DLGAP1: variants seen among roughly 807,000 people sequenced by gnomAD.
DLGAP1 encodes DLG associated protein 1.
Under a neutral mutation model 90.8 loss-of-function variants are expected in DLGAP1, and 11 were observed. The ratio of observed to expected loss-of-function variants is 0.12; its 90% CI spans 0.08 to 0.20. The LOEUF (loss-of-function observed/expected upper bound fraction) is 0.20, where lower values mean the gene tolerates loss of function less well. Among genes scored for constraint, DLGAP1 ranks in the 10% least tolerant of loss-of-function variants. The pLI, the probability that DLGAP1 is intolerant of heterozygous loss-of-function variation, is 1.00. For synonymous variants in DLGAP1, 558 were observed against 540.7 expected (o/e 1.03, Z -0.44); for missense variants, 1,050 against 1,333.8 (o/e 0.79, Z 3.31).
intron 5 of DLGAP1, among the ~76,000 whole-genome samples, chr18:3,779,403 C>A (rs1943484501): frequency 6.6e-6 from 1 of 152,098 alleles, no homozygotes; most frequent in South Asian, 2.1e-4. Context: ...CCCAAAACTC[C>A]AAAACTTTCA....
At chr18:4,160,398 T>G (rs2076824711) in intron 1 of DLGAP1, among the ~76,000 whole-genome samples, 1 of 152,228 alleles carries the variant, frequency 6.6e-6, no homozygotes, top group Non-Finnish European at 1.5e-5. Flanking sequence ...TCTTTCAGTT[T>G]TTCCCCCTCT....
In DLGAP1 at chr18:4,428,526, G is replaced by A. The variant is rs143759068; in HGVS notation, c.-267+26480C>T. 6.9e-3 allele frequency among the ~76,000 whole-genome samples: 1,051 copies of A among 152,036 alleles called. 14 individuals carry two copies. Among genetic ancestry groups the A allele is most frequent in the African/African-American group, 0.024 (979 of 41,460 alleles). The stretch of plus-strand genomic sequence containing the variant: ...GAACCTGGGAGGCGAAGGTTGCAGC[G>A]AACCGAGATCACATCACTGCACTCC... On this transcript the variant is annotated intron_variant, in intron 1 of 12. Transcript: ENST00000315677.
intron 1 of DLGAP1, among the ~76,000 whole-genome samples, chr18:4,425,930 A>C (rs938023252): frequency 2.6e-4 from 39 of 152,312 alleles, no homozygotes; most frequent in African/African-American, 9.4e-4. Flanking sequence ...CAGGAATCCT[A>C]TAGCATAATA....
At chr18:4,093,413 A>T (rs1300647688) in intron 2 of DLGAP1, among the ~76,000 whole-genome samples, 1 of 152,224 alleles carries the variant, frequency 6.6e-6, no homozygotes, top group African/African-American at 2.4e-5. Context: ...CTGATTTAAC[A>T]TTGGAAACCA....
chr18:4,138,986 AT>A (rs1263828433), intron 2 of DLGAP1, among the ~76,000 whole-genome samples: 2 of 151,454 alleles, frequency 1.3e-5, no homozygotes, highest in Admixed American at 1.3e-4. Flanking sequence ...GTTGTAATGT[AT>A]TTTTCCATCT....
At chr18:3,868,036 G>C (rs1319756281) in intron 4 of DLGAP1, among the ~76,000 whole-genome samples, 1 of 152,174 alleles carries the variant, frequency 6.6e-6, no homozygotes, top group Non-Finnish European at 1.5e-5. Flanking sequence ...CTTGTTTCTA[G>C]TGGATTCGTT....
chr18:4,186,664 T>A (rs968022721), intron 1 of DLGAP1, among the ~76,000 whole-genome samples: 2 of 152,164 alleles, frequency 1.3e-5, no homozygotes, highest in South Asian at 2.1e-4. Context: ...TACCATACTG[T>A]TTTGGTTACT....
At chr18:3,696,004 T>C (rs2061079466) in intron 7 of DLGAP1, among the ~76,000 whole-genome samples, 1 of 152,096 alleles carries the variant, frequency 6.6e-6, no homozygotes, top group Admixed American at 6.6e-5. Flanking sequence ...CTCTGTCTAT[T>C]ACTGGTGTAT....
chr18:3,887,518 AAAG>A (rs1260562056), intron 3 of DLGAP1, among the ~76,000 whole-genome samples: 2 of 152,206 alleles, frequency 1.3e-5, no homozygotes, highest in Non-Finnish European at 1.5e-5. Flanking sequence ...GACTGGAAGA[AAAG>A]AAGGAGTATA....
intron 1 of DLGAP1, among the ~76,000 whole-genome samples, chr18:4,285,182 A>G (rs2079657208): frequency 6.6e-6 from 1 of 152,224 alleles, no homozygotes; most frequent in Non-Finnish European, 1.5e-5. Flanking sequence ...GTTGCTAAAA[A>G]GTAGAATGAA....
chr18:4,422,103 GCA>G (rs2083050200), intron 1 of DLGAP1, among the ~76,000 whole-genome samples: 1 of 151,912 alleles, frequency 6.6e-6, no homozygotes, highest in Non-Finnish European at 1.5e-5. Context: ...TGTGTTCACC[GCA>G]GTCTTTTTTA....
chr18:4,022,176 T>C (rs922765054), intron 2 of DLGAP1, among the ~76,000 whole-genome samples: 6 of 152,134 alleles, frequency 3.9e-5, no homozygotes, highest in African/African-American at 1.4e-4. Flanking sequence ...AGAAAACTTT[T>C]TTAAACATAG....
intron 2 of DLGAP1, among the ~76,000 whole-genome samples, chr18:4,142,740 C>A (rs888685078): frequency 4.6e-5 from 7 of 152,144 alleles, no homozygotes; most frequent in Admixed American, 3.3e-4. Context: ...TTGGAATGCT[C>A]TCCAGGTATT....
chr18:3,855,655 C>G lies in DLGAP1; in HGVS notation c.957+23457G>C, dbSNP rs181636760. 5.9e-3 allele frequency among the ~76,000 whole-genome samples: 901 copies of G among 152,142 alleles called. 14 individuals are homozygous for G. Among genetic ancestry groups the G allele is most frequent in the African/African-American group, 0.021 (862 of 41,514 alleles). On this transcript the variant is annotated intron_variant, in intron 4 of 12. Coordinates refer to ENST00000315677, the MANE Select transcript of DLGAP1 (RefSeq NM_004746.4). ...TTGAGACGGAGTCTCACTCTGTCATCCAGGCTGGAGTGTAATGGCATGGTC... is the reference window on the plus strand; with the variant it reads ...TTGAGACGGAGTCTCACTCTGTCATGCAGGCTGGAGTGTAATGGCATGGTC...
intron 1 of DLGAP1, among the ~76,000 whole-genome samples, chr18:4,416,434 C>G (rs2082901513): frequency 6.6e-6 from 1 of 152,120 alleles, no homozygotes; most frequent in Non-Finnish European, 1.5e-5. Flanking sequence ...AAAGGAATTA[C>G]AGGTTGACCT....
At chr18:4,148,914 C>T (rs1419656652) in intron 2 of DLGAP1, among the ~76,000 whole-genome samples, 3 of 152,160 alleles carry the variant, frequency 2.0e-5, no homozygotes, top group African/African-American at 4.8e-5. Context: ...GTTTAATGTC[C>T]TCATGTCAAA....
At position 3,741,441 on chromosome 18, in the gene DLGAP1, C is replaced by T. The variant is rs538299247; in HGVS notation, c.1350+894G>A. ...TCACTGTCACCACCATCACCATCAT[C>T]ACTGCCACTACCATCACCATTACCA... On this transcript the variant is annotated intron_variant, in intron 6 of 12. Transcript: ENST00000315677. Among the ~76,000 whole-genome samples, 51 of 151,976 alleles carry T rather than the reference C, an allele frequency of 3.4e-4. 2 individuals carry two copies. The South Asian group carries it at 9.6e-3, about 29-fold the overall frequency.
At chr18:4,199,416 G>A (rs118086754) in intron 1 of DLGAP1, among the ~76,000 whole-genome samples, 3,620 of 152,258 alleles carry the variant, frequency 0.024, 51 homozygotes, top group Middle Eastern at 0.044. Context: ...TCGTTTAATT[G>A]GAAACATTTT....
intron 3 of DLGAP1, among the ~76,000 whole-genome samples, chr18:3,995,898 A>AT (rs2074060672): frequency 6.6e-6 from 1 of 152,060 alleles, no homozygotes; most frequent in Admixed American, 6.6e-5. Context: ...TTTTTCATAA[A>AT]TGGGTAAAAG....
Sources: gnomAD v4.1 joint callset for allele counts (sites outside exome capture counted in the v4.1 genomes callset) on GRCh38, gnomAD v4.1.1 for gene constraint, MANE v1.5 for transcripts, NCBI Gene and HGNC (gene_info 2026-07-23, HGNC 2026-07-21) for gene names.